EYS: variants seen among roughly 807,000 people sequenced by gnomAD.
EYS encodes protein eyes shut homolog.
EYS carries 250 observed loss-of-function variants against 282.1 expected under a neutral mutation model. The observed-to-expected ratio is 0.89, with a 90% CI of 0.80 to 0.98. The LOEUF (loss-of-function observed/expected upper bound fraction) is 0.98, where lower values mean the gene tolerates loss of function less well. Among genes scored for constraint, EYS ranks in the 50% least tolerant of loss-of-function variants. EYS has a pLI of 0.00. For synonymous variants in EYS, 1,355 were observed against 1,282.9 expected, an observed-to-expected ratio of 1.06 and a Z score of -1.20; for missense variants, 4,016 against 3,709.0, an observed-to-expected ratio of 1.08 and a Z score of -2.15.
At chr6:64,455,685 A>T (rs1430785118) in intron 26 of EYS, among the ~76,000 whole-genome samples, 1 of 152,054 alleles carries the variant, frequency 6.6e-6, no homozygotes. Context: ...AATCCCACTT[A>T]TGAGTGAGAA....
At chr6:64,169,499 G>T (rs1189722224) in intron 31 of EYS, among the ~76,000 whole-genome samples, 1 of 149,258 alleles carries the variant, frequency 6.7e-6, no homozygotes, top group Non-Finnish European at 1.5e-5. Flanking sequence ...AAATCATGAA[G>T]ATATAGCAAG....
intron 35 of EYS, among the ~76,000 whole-genome samples, chr6:63,939,752 G>A (rs549937917): frequency 1.5e-4 from 23 of 152,052 alleles, no homozygotes; most frequent in African/African-American, 4.8e-4. Flanking sequence ...TAATACATAT[G>A]TAGATACATC....
At chr6:64,822,951 G>T in intron 19 of EYS, 129 bp from the exon 20 acceptor site, 1 of 683,962 alleles carries the variant, frequency 1.5e-6, no homozygotes, top group Non-Finnish European at 2.4e-6. Flanking sequence ...GTATTTGGTA[G>T]CAAAAGAAAA....
chr6:64,853,211 A>G (rs1437545835), intron 19 of EYS, among the ~76,000 whole-genome samples: 1 of 152,194 alleles, frequency 6.6e-6, no homozygotes, highest in African/African-American at 2.4e-5. Flanking sequence ...TTATAGAACA[A>G]AAATGGGAGA....
chr6:64,009,485 C>T (rs374707881), intron 33 of EYS, among the ~76,000 whole-genome samples: 11 of 152,090 alleles, frequency 7.2e-5, no homozygotes, highest in Admixed American at 2.0e-4. Flanking sequence ...GGGGTTTCAC[C>T]GGGTTAGCCA....
chr6:63,825,405 T>C (rs750539048), intron 36 of EYS, among the ~76,000 whole-genome samples: 1 of 152,178 alleles, frequency 6.6e-6, no homozygotes, highest in Non-Finnish European at 1.5e-5. Flanking sequence ...ATAGCTGTTC[T>C]GGAAAATGCC....
At chr6:63,830,743 C>T (rs1771608191) in intron 36 of EYS, among the ~76,000 whole-genome samples, 1 of 152,144 alleles carries the variant, frequency 6.6e-6, no homozygotes, top group African/African-American at 2.4e-5. Context: ...TTGAGAAGAG[C>T]AACTCCAAGA....
At chr6:65,665,649 G>T (rs1424283243) in intron 1 of EYS, among the ~76,000 whole-genome samples, 1 of 151,986 alleles carries the variant, frequency 6.6e-6, no homozygotes, top group Non-Finnish European at 1.5e-5. Context: ...AATGTGTGAA[G>T]GTGTCCAGTG....
chr6:64,780,584 C>T (rs1013468906), intron 22 of EYS, among the ~76,000 whole-genome samples: 3 of 151,896 alleles, frequency 2.0e-5, no homozygotes, highest in Admixed American at 6.6e-5. Flanking sequence ...CATTATTGGG[C>T]GATGGATGCA....
intron 5 of EYS, among the ~76,000 whole-genome samples, chr6:65,479,716 G>A (rs1448488315): frequency 6.6e-6 from 1 of 152,146 alleles, no homozygotes; most frequent in African/African-American, 2.4e-5. Context: ...AAGTCTTCTA[G>A]AAGAACGCAT....
intron 22 of EYS, among the ~76,000 whole-genome samples, chr6:64,714,595 G>C (rs1268319542): frequency 6.9e-6 from 1 of 145,310 alleles, no homozygotes; most frequent in African/African-American, 2.6e-5. Context: ...GCGCAATCTC[G>C]GCTCACTGCA....
At chr6:63,995,711 T>C (rs1467955136) in intron 34 of EYS, among the ~76,000 whole-genome samples, 1 of 152,024 alleles carries the variant, frequency 6.6e-6, no homozygotes, top group Non-Finnish European at 1.5e-5. Flanking sequence ...AAATGTGGTA[T>C]AGTATGATCT....
chr6:65,240,491 G>A (rs963451833), intron 12 of EYS, among the ~76,000 whole-genome samples: 3 of 151,978 alleles, frequency 2.0e-5, no homozygotes, highest in South Asian at 2.1e-4. Flanking sequence ...TTATGTCCAT[G>A]TGTACTCAAT....
chr6:65,483,961 T>C (rs957090798), intron 5 of EYS, among the ~76,000 whole-genome samples: 16 of 152,058 alleles, frequency 1.1e-4, no homozygotes, highest in Non-Finnish European at 1.9e-4. Context: ...TGTGCCCCCA[T>C]GATTCAATTA....
chr6:63,721,126 C>T lies in EYS; in HGVS notation c.8905G>A (p.Asp2969Asn). ...AGGTTTCTCATTCTATAATTTGGATCAATGTATTTAATGTAAGAATTACCC... is the reference window on the plus strand; with the variant it reads ...AGGTTTCTCATTCTATAATTTGGATTAATGTATTTAATGTAAGAATTACCC... ...FMGNSYIKYI[D>N]PNYRMRNLQF... is the part of the protein sequence containing the mutation. Residue 2969 changes from aspartate (D) to asparagine (N), a missense_variant, in exon 43 of 43, where the codon GAT (aspartate) becomes AAT (asparagine). Transcript: ENST00000503581. 1.3e-6 allele frequency: 2 copies of T among 1,551,364 alleles called. No homozygotes were observed. Among genetic ancestry groups the T allele is most frequent in the South Asian group, 2.4e-5 (2 of 84,022 alleles).
intron 33 of EYS, among the ~76,000 whole-genome samples, chr6:64,051,808 A>G (rs971548601): frequency 3.3e-5 from 5 of 152,190 alleles, no homozygotes; most frequent in African/African-American, 1.2e-4. Context: ...ATGAACAAAC[A>G]ACTGATAGCT....
At chr6:64,938,764 T>C (rs1181872380) in intron 15 of EYS, among the ~76,000 whole-genome samples, 2 of 151,730 alleles carry the variant, frequency 1.3e-5, no homozygotes, top group African/African-American at 4.8e-5. Context: ...GTATATTAAA[T>C]ACTTACAAGT....
At chr6:64,466,384 T>A (rs191178075) in intron 26 of EYS, among the ~76,000 whole-genome samples, 1 of 152,040 alleles carries the variant, frequency 6.6e-6, no homozygotes, top group East Asian at 1.9e-4. Context: ...ATAAAGAAAA[T>A]GTAGCACATA....
chr6:64,398,467 T>C (rs1055996583), intron 28 of EYS, among the ~76,000 whole-genome samples: 2 of 151,818 alleles, frequency 1.3e-5, no homozygotes, highest in Non-Finnish European at 2.9e-5. Flanking sequence ...GTCTGTTGTT[T>C]GGTGAAGTGT....
Sources: gnomAD v4.1 joint callset for allele counts (sites outside exome capture counted in the v4.1 genomes callset) on GRCh38, gnomAD v4.1.1 for gene constraint, MANE v1.5 for transcripts, NCBI Gene and HGNC (gene_info 2026-07-23, HGNC 2026-07-21) for gene names.